Variants in SEC24A observed in about 807,000 individuals in gnomAD.
The protein encoded by SEC24A is protein transport protein Sec24A.
In SEC24A, 93 loss-of-function variants were observed where a neutral mutation model predicts 129.4. The ratio of observed to expected loss-of-function variants is 0.72; its 90% CI spans 0.61 to 0.85. SEC24A has a LOEUF of 0.85. SEC24A is among the 40% of genes least tolerant of loss of function. The pLI, the probability that SEC24A is intolerant of heterozygous loss-of-function variation, is 0.00. For synonymous variants in SEC24A, 460 were observed against 467.3 expected (o/e 0.98, Z 0.20); for missense variants, 1,264 against 1,307.4 (o/e 0.97, Z 0.51).
At chr5:134,658,603 C>G (rs758042068) in intron 1 of SEC24A, among the ~76,000 whole-genome samples, 3 of 152,000 alleles carry the variant, frequency 2.0e-5, no homozygotes, top group Non-Finnish European at 4.4e-5. Flanking sequence ...GAAATGGAGT[C>G]TCGCTGTGTT....
intron 6 of SEC24A, 109 bp from the exon 7 acceptor site, chr5:134,675,914 A>G (rs1751043086): frequency 7.4e-6 from 5 of 672,270 alleles, no homozygotes; most frequent in Non-Finnish European, 1.2e-5. Flanking sequence ...GAAATATTTC[A>G]TCTGTAATCT....
chr5:134,660,729 T>G (rs1354364062), intron 1 of SEC24A, among the ~76,000 whole-genome samples: 1 of 148,128 alleles, frequency 6.8e-6, no homozygotes, highest in African/African-American at 2.6e-5. Flanking sequence ...CTACTTTTTG[T>G]TTTTTTTTAT....
chr5:134,686,718 G>A (rs1751464322), intron 9 of SEC24A, 72 bp from the exon 10 acceptor site: 4 of 805,874 alleles, frequency 5.0e-6, no homozygotes, highest in Admixed American at 2.4e-5. Context: ...TTGTTTTGCT[G>A]TATGTGTACC....
rs1197715517 is a variant in SEC24A, at chr5:134,666,900, G to C, written c.643G>C (p.Ala215Pro). ...QPGAPHGPPP[A>P]GGPPPVRALT... Reference sequence around the variant, plus strand: ...AGGAGCTCCTCATGGGCCCCCTCCAGCTGGAGGCCCACCCCCAGTGAGGGC... The same window carrying C: ...AGGAGCTCCTCATGGGCCCCCTCCACCTGGAGGCCCACCCCCAGTGAGGGC... Residue 215 changes from alanine (A) to proline (P), a missense_variant, in exon 3 of 23, where the codon GCT (alanine) becomes CCT (proline). By Grantham distance (27) the Ala-to-Pro change is conservative. Coordinates refer to ENST00000398844, the MANE Select transcript of SEC24A (RefSeq NM_021982.3). 6.2e-7 allele frequency: 1 copy of C among 1,613,548 alleles called. No homozygotes were observed. The highest frequency in any genetic ancestry group is 8.5e-7 in the Non-Finnish European group (1 of 1,179,686).
At chr5:134,670,113 T>TA (rs1326645128) in intron 3 of SEC24A, among the ~76,000 whole-genome samples, 2 of 152,070 alleles carry the variant, frequency 1.3e-5, no homozygotes, top group African/African-American at 4.8e-5. Context: ...TTTCAGTAGA[T>TA]ACAGGGTTTT....
chr5:134,690,701 T>C (rs980800666), intron 11 of SEC24A, among the ~76,000 whole-genome samples: 6 of 152,222 alleles, frequency 3.9e-5, no homozygotes, highest in African/African-American at 1.4e-4. Context: ...TCTTCCCAGT[T>C]TGCTCCCTTT....
intron 11 of SEC24A, among the ~76,000 whole-genome samples, chr5:134,688,558 TC>T (rs571086591): frequency 2.4e-3 from 366 of 152,202 alleles, no homozygotes; most frequent in African/African-American, 8.4e-3. Flanking sequence ...AGGCTTTTTT[TC>T]CCCCTTCTTC....
At chr5:134,675,959 T>C (rs1433642457) in intron 6 of SEC24A, 64 bp from the exon 7 acceptor site, 20 of 1,141,774 alleles carry the variant, frequency 1.8e-5, no homozygotes, top group Non-Finnish European at 2.2e-5. Context: ...TTTAAATCTT[T>C]GTTGTTGTTT....
intron 3 of SEC24A, among the ~76,000 whole-genome samples, chr5:134,668,733 A>G (rs1750752579): frequency 6.6e-6 from 1 of 150,950 alleles, no homozygotes; most frequent in South Asian, 2.1e-4. Flanking sequence ...TCACACACAC[A>G]CAAAAAAAAC....
At chr5:134,693,423 G>T in intron 12 of SEC24A, 1 of 1,355,918 alleles carries the variant, frequency 7.4e-7, no homozygotes, top group Non-Finnish European at 9.5e-7. Flanking sequence ...ATATTTCATG[G>T]CATTAAAATA....
intron 4 of SEC24A, among the ~76,000 whole-genome samples, chr5:134,674,108 G>A (rs1750969341): frequency 1.3e-5 from 2 of 151,982 alleles, no homozygotes; most frequent in Non-Finnish European, 2.9e-5. Context: ...ATTCCAGCCT[G>A]GGCGACAGAG....
At chr5:134,694,382 G>A (rs1202613731) in intron 13 of SEC24A, among the ~76,000 whole-genome samples, 2 of 152,134 alleles carry the variant, frequency 1.3e-5, no homozygotes, top group African/African-American at 4.8e-5. Flanking sequence ...AAAATTGGCT[G>A]GGCGCGGTGG....
intron 21 of SEC24A, among the ~76,000 whole-genome samples, chr5:134,723,078 T>A (rs1248419353): frequency 6.6e-6 from 1 of 152,074 alleles, no homozygotes; most frequent in Non-Finnish European, 1.5e-5. Flanking sequence ...CACTTGAGCC[T>A]CAGGAGGCAG....
rs1750999564 is a variant in SEC24A at position 134,674,771 on chromosome 5, C to T, written c.974C>T (p.Thr325Ile). ...LNYPSGPQAF[T>I]QTPLGANHLT... ...TACCCAAGTGGGCCACAAGCCTTTA[C>T]TCAGGTAAACTTTTTGGGATTTTCT... The change falls in exon 5 of 23, where the codon ACT (threonine) becomes ATT (isoleucine). Residue 325 changes from threonine (T) to isoleucine (I), a missense_variant. Transcript: ENST00000398844. The T allele has an allele frequency of 6.2e-7, 1 of 1,610,856 alleles. No homozygotes were observed. The highest frequency in any genetic ancestry group is 8.5e-7 in the Non-Finnish European group (1 of 1,178,872).
chr5:134,701,896 A>G (rs1752018669), intron 15 of SEC24A, among the ~76,000 whole-genome samples: 1 of 152,148 alleles, frequency 6.6e-6, no homozygotes, highest in African/African-American at 2.4e-5. Flanking sequence ...TAAATTCACT[A>G]CAGATCAAAT....
At chr5:134,697,102 C>T in intron 13 of SEC24A, 24 bp from the exon 14 acceptor site, 1 of 1,311,414 alleles carries the variant, frequency 7.6e-7, no homozygotes, top group East Asian at 2.4e-5. Context: ...TTTAAAATGT[C>T]TCTTTATAAT....
chr5:134,699,696 CTTT>C (rs746836417), intron 15 of SEC24A, among the ~76,000 whole-genome samples: 5 of 112,714 alleles, frequency 4.4e-5, no homozygotes, highest in Non-Finnish European at 7.2e-5. Flanking sequence ...TTTGTACTCT[CTTT>C]TTTTTTTTTT....
chr5:134,715,041 G>A lies in SEC24A; in HGVS notation c.2745G>A (p.Gly915=), dbSNP rs1752436202. Residue 915 remains glycine (G), a synonymous_variant, in exon 19 of 23, where the codon GGG becomes GGA. Transcript: ENST00000398844. ...TGTTACAGAAATCATTCCAGACTGGGACAAATGCACGTCTAGATGAACGCA... is the reference window on the plus strand; with the variant it reads ...TGTTACAGAAATCATTCCAGACTGGAACAAATGCACGTCTAGATGAACGCA... ...ALLKQKSFQT[G]TNARLDERIF... 2 of 1,612,800 alleles carry A rather than the reference G, an allele frequency of 1.2e-6. No individual in the cohort carries two copies. Among genetic ancestry groups the A allele is most frequent in the Middle Eastern group, 1.7e-4 (1 of 6,056 alleles).
chr5:134,720,021 G>A (rs1026118805), intron 20 of SEC24A, among the ~76,000 whole-genome samples: 17 of 152,184 alleles, frequency 1.1e-4, no homozygotes, highest in Non-Finnish European at 2.1e-4. Flanking sequence ...TAAAGTTATA[G>A]TAAACTACGA....
Sources: allele counts gnomAD v4.1 joint callset (sites outside exome capture counted in the v4.1 genomes callset), GRCh38; gene constraint gnomAD v4.1.1; transcripts MANE v1.5; gene names NCBI Gene and HGNC (gene_info 2026-07-23, HGNC 2026-07-21).